TENM4: variants seen among roughly 807,000 people sequenced by gnomAD.
TENM4 encodes teneurin transmembrane protein 4, also known as teneurin-4.
A neutral mutation model predicts 243.3 loss-of-function variants in TENM4; 82 were observed. The ratio of observed to expected loss-of-function variants is 0.34; its 90% CI spans 0.28 to 0.40. The LOEUF (loss-of-function observed/expected upper bound fraction) is 0.40. Among genes scored for constraint, TENM4 ranks in the 10% least tolerant of loss-of-function variants. The pLI is 1.00. For missense variants in TENM4, 3,138 were observed against 3,673.3 expected, an observed-to-expected ratio of 0.85 and a Z score of 3.77; for synonymous variants, 1,412 against 1,456.3, an observed-to-expected ratio of 0.97 and a Z score of 0.69.
chr11:79,350,574 T>G (rs1322902084), intron 1 of TENM4, among the ~76,000 whole-genome samples: 3 of 150,272 alleles, frequency 2.0e-5, no homozygotes, highest in Non-Finnish European at 4.4e-5. Flanking sequence ...AGACTACAGG[T>G]GTGCACCACC....
chr11:79,137,762 T>C (rs1862139315), intron 4 of TENM4, among the ~76,000 whole-genome samples: 1 of 152,194 alleles, frequency 6.6e-6, no homozygotes. Context: ...TGTTGTTAAC[T>C]TTATGTAATA....
intron 12 of TENM4, among the ~76,000 whole-genome samples, chr11:78,827,650 T>C (rs1202442833): frequency 3.3e-5 from 5 of 152,018 alleles, no homozygotes; most frequent in African/African-American, 1.2e-4. Context: ...CCACCATGCC[T>C]GGTTAATTTT....
At chr11:78,893,353 ATC>A (rs1855709110) in intron 7 of TENM4, among the ~76,000 whole-genome samples, 2 of 152,170 alleles carry the variant, frequency 1.3e-5, no homozygotes. Context: ...AGGTGACCCA[ATC>A]TCTCTAAGCA....
intron 9 of TENM4, among the ~76,000 whole-genome samples, chr11:78,883,607 C>T (rs1461911867): frequency 6.6e-6 from 1 of 152,216 alleles, no homozygotes; most frequent in Admixed American, 6.5e-5. Flanking sequence ...GTCTCCTATT[C>T]CAAAGGCCTA....
intron 1 of TENM4, among the ~76,000 whole-genome samples, chr11:79,409,179 T>G (rs991740112): frequency 9.3e-5 from 14 of 151,230 alleles, no homozygotes; most frequent in African/African-American, 3.2e-4. Context: ...GAGATAAATT[T>G]TGTTGTGAGC....
intron 12 of TENM4, among the ~76,000 whole-genome samples, chr11:78,821,031 T>C (rs1167175886): frequency 6.6e-6 from 1 of 152,226 alleles, no homozygotes; most frequent in Admixed American, 6.5e-5. Context: ...TACAACAGTC[T>C]AGGTCAATGC....
At chr11:78,672,475 A>T in intron 30 of TENM4, 146 bp from the exon 31 acceptor site, 1 of 848,066 alleles carries the variant, frequency 1.2e-6, no homozygotes, top group South Asian at 1.8e-5. Context: ...ATGGGTTTGA[A>T]TCCTGGCTCT....
chr11:78,773,438 C>A (rs1262932433), intron 17 of TENM4, among the ~76,000 whole-genome samples: 8 of 152,148 alleles, frequency 5.3e-5, no homozygotes, highest in Admixed American at 4.6e-4. Flanking sequence ...ATATCTGAAT[C>A]TTCTACTCAC....
intron 2 of TENM4, among the ~76,000 whole-genome samples, chr11:79,284,794 A>T (rs1252279711): frequency 6.6e-6 from 1 of 152,236 alleles, no homozygotes; most frequent in African/African-American, 2.4e-5. Flanking sequence ...ATTGCAAATC[A>T]TATATCAGAC....
chr11:78,899,627 G>C (rs1166328979), intron 7 of TENM4, among the ~76,000 whole-genome samples: 1 of 151,968 alleles, frequency 6.6e-6, no homozygotes, highest in Admixed American at 6.6e-5. Context: ...GGCCTAATGG[G>C]AGGCGTTTCG....
At chr11:79,121,672 T>A (rs1861748260) in intron 4 of TENM4, among the ~76,000 whole-genome samples, 1 of 152,170 alleles carries the variant, frequency 6.6e-6, no homozygotes, top group African/African-American at 2.4e-5. Context: ...GATCTGTCTG[T>A]GGCCACTGCA....
intron 3 of TENM4, among the ~76,000 whole-genome samples, chr11:79,196,844 A>T (rs1422096369): frequency 2.6e-5 from 4 of 151,982 alleles, no homozygotes; most frequent in African/African-American, 9.7e-5. Flanking sequence ...AGCCCACCTG[A>T]CCCACATTTC....
chr11:79,050,179 A>G (rs1241251622), intron 6 of TENM4, among the ~76,000 whole-genome samples: 2 of 152,110 alleles, frequency 1.3e-5, no homozygotes, highest in South Asian at 2.1e-4. Context: ...GCTATTATGC[A>G]CTCCCTAAAT....
chr11:79,200,171 T>C (rs1187371418), intron 3 of TENM4, among the ~76,000 whole-genome samples: 1 of 152,194 alleles, frequency 6.6e-6, no homozygotes, highest in African/African-American at 2.4e-5. Flanking sequence ...CCGTGCTCTG[T>C]CTCTAGGGAT....
intron 2 of TENM4, among the ~76,000 whole-genome samples, chr11:79,264,579 T>C (rs1053683232): frequency 6.6e-6 from 1 of 152,080 alleles, no homozygotes; most frequent in African/African-American, 2.4e-5. Context: ...TCAGTGTTGT[T>C]TGGGGAAAAC....
intron 3 of TENM4, among the ~76,000 whole-genome samples, chr11:79,212,299 C>G (rs1160093787): frequency 6.6e-6 from 1 of 152,202 alleles, no homozygotes; most frequent in East Asian, 1.9e-4. Context: ...CTGTTCCATC[C>G]TTAAAGGTCT....
At chr11:78,816,378 C>A (rs572506059) in intron 12 of TENM4, among the ~76,000 whole-genome samples, 1 of 152,334 alleles carries the variant, frequency 6.6e-6, no homozygotes, top group South Asian at 2.1e-4. Flanking sequence ...TTTGCAATCC[C>A]AACCAGCCCT....
At chr11:78,705,019 G>A (rs188091317) in intron 27 of TENM4, among the ~76,000 whole-genome samples, 1 of 152,326 alleles carries the variant, frequency 6.6e-6, no homozygotes, top group East Asian at 1.9e-4. Flanking sequence ...GGCCGCTGCC[G>A]GCCAGTGCTG....
At chr11:78,787,808 G>A (rs1355848300) in intron 15 of TENM4, among the ~76,000 whole-genome samples, 1 of 152,180 alleles carries the variant, frequency 6.6e-6, no homozygotes, top group Non-Finnish European at 1.5e-5. Context: ...AGCCAGAGTG[G>A]AGCTGCCCAC....
Sources: allele counts gnomAD v4.1 joint callset (sites outside exome capture counted in the v4.1 genomes callset), GRCh38; gene constraint gnomAD v4.1.1; transcripts MANE v1.5; gene names NCBI Gene and HGNC (gene_info 2026-07-23, HGNC 2026-07-21).